MAP2K6: variants seen among roughly 807,000 people sequenced by gnomAD.
The protein encoded by MAP2K6 is mitogen-activated protein kinase kinase 6.
Under a neutral mutation model 53.7 loss-of-function variants are expected in MAP2K6, and 16 were observed. The ratio of observed to expected loss-of-function variants is 0.30; its 90% CI spans 0.20 to 0.45. The LOEUF is 0.45. MAP2K6 is among the 20% of genes least tolerant of loss of function. MAP2K6 has a pLI of 1.00. For synonymous variants in MAP2K6, 132 were observed against 143.1 expected (o/e 0.92, Z 0.55); for missense variants, 204 against 411.9 (o/e 0.50, Z 4.37).
rs1295919477 is a variant in MAP2K6, at chr17:69,542,624, T to C, written c.*871T>C. ...GTGTATGTGTGTGTTTGTGTGTCTATTTGGCAATTCACAAGTCCTGCCAAG... is the reference window on the plus strand; with the variant it reads ...GTGTATGTGTGTGTTTGTGTGTCTACTTGGCAATTCACAAGTCCTGCCAAG... On this transcript the variant is annotated 3_prime_UTR_variant, in exon 12 of 12. Transcript: ENST00000590474. The C allele has an allele frequency of 2.6e-5, 4 of 152,256 alleles. No homozygotes were observed. Among genetic ancestry groups the C allele is most frequent in the African/African-American group, 9.6e-5 (4 of 41,464 alleles). The allele number at this position is 152,256 out of a possible 1,614,324, so 9.4% of individuals were successfully genotyped here. A position where few individuals can be genotyped will look rare whatever the true frequency, so the allele number is the denominator to read the frequency against.
At chr17:69,453,640 A>AT (rs1463982305) in intron 1 of MAP2K6, among the ~76,000 whole-genome samples, 2 of 152,148 alleles carry the variant, frequency 1.3e-5, no homozygotes, top group African/African-American at 2.4e-5. Flanking sequence ...ATAATTTTCT[A>AT]TTCTTTTTTG....
At chr17:69,515,669 G>C (rs1031566643) in intron 2 of MAP2K6, among the ~76,000 whole-genome samples, 5 of 152,144 alleles carry the variant, frequency 3.3e-5, no homozygotes, top group Non-Finnish European at 5.9e-5. Flanking sequence ...GAAGACCCCA[G>C]AATTGTATAT....
At chr17:69,450,805 C>G (rs1254097704) in intron 1 of MAP2K6, among the ~76,000 whole-genome samples, 1 of 151,640 alleles carries the variant, frequency 6.6e-6, no homozygotes, top group Non-Finnish European at 1.5e-5. Flanking sequence ...TAGTTACAGT[C>G]TAGACAGTAG....
intron 7 of MAP2K6, 194 bp downstream of exon 7, chr17:69,521,294 G>T: frequency 2.2e-6 from 1 of 445,236 alleles, no homozygotes; most frequent in East Asian, 3.4e-5. Flanking sequence ...GACATAAGAA[G>T]AAGACGTGAT....
chr17:69,455,641 C>T (rs1006344262), intron 1 of MAP2K6, among the ~76,000 whole-genome samples: 1 of 152,072 alleles, frequency 6.6e-6, no homozygotes, highest in African/African-American at 2.4e-5. Flanking sequence ...CAAACTTTTT[C>T]TACAAACAGT....
chr17:69,452,357 A>G (rs1309696655), intron 1 of MAP2K6, among the ~76,000 whole-genome samples: 1 of 152,124 alleles, frequency 6.6e-6, no homozygotes, highest in Admixed American at 6.6e-5. Context: ...AAGGAAGTAT[A>G]AGATGCCTAC....
At chr17:69,455,038 T>G (rs7221647) in intron 1 of MAP2K6, among the ~76,000 whole-genome samples, 34 of 107,650 alleles carry the variant, frequency 3.2e-4, no homozygotes, top group Admixed American at 8.9e-4. Flanking sequence ...TATTATTATT[T>G]TTTTTTTTTT....
At chr17:69,439,457 C>G (rs1425501456) in intron 1 of MAP2K6, among the ~76,000 whole-genome samples, 1 of 152,150 alleles carries the variant, frequency 6.6e-6, no homozygotes, top group Non-Finnish European at 1.5e-5. Context: ...TAGCATTCTA[C>G]AGAGTTGTGA....
At chr17:69,505,960 G>T in intron 2 of MAP2K6, 114 bp downstream of exon 2, 1 of 821,376 alleles carries the variant, frequency 1.2e-6, no homozygotes, top group African/African-American at 1.7e-5. Flanking sequence ...CCCTTTAAGG[G>T]GGAAGCCATT....
At chr17:69,468,465 G>C (rs537306088) in intron 1 of MAP2K6, among the ~76,000 whole-genome samples, 5 of 152,334 alleles carry the variant, frequency 3.3e-5, no homozygotes, top group Admixed American at 2.6e-4. Context: ...TTAGTTTCTA[G>C]TACTGAAGGC....
At chr17:69,500,765 A>AAG (rs1909138487) in intron 1 of MAP2K6, among the ~76,000 whole-genome samples, 2 of 149,032 alleles carry the variant, frequency 1.3e-5, no homozygotes, top group South Asian at 4.2e-4. Flanking sequence ...CAAAAAAAAA[A>AAG]GAAAAAAAAA....
intron 1 of MAP2K6, among the ~76,000 whole-genome samples, chr17:69,416,320 T>C (rs1295943510): frequency 2.0e-5 from 3 of 152,064 alleles, no homozygotes; most frequent in Non-Finnish European, 4.4e-5. Flanking sequence ...TTTCTTTGAG[T>C]ATTAGGGGAG....
chr17:69,512,776 A>G (rs980161693), intron 2 of MAP2K6, among the ~76,000 whole-genome samples: 1 of 152,214 alleles, frequency 6.6e-6, no homozygotes, highest in Non-Finnish European at 1.5e-5. Context: ...GTAAAAATTA[A>G]GGAAGCTATT....
chr17:69,462,879 G>T (rs1907665830), intron 1 of MAP2K6, among the ~76,000 whole-genome samples: 1 of 151,992 alleles, frequency 6.6e-6, no homozygotes. Flanking sequence ...CGGAAAACGA[G>T]GTCAGGAGAT....
rs116019489 is a variant in MAP2K6, at chr17:69,484,714, A to G, written c.17-21066A>G. ...TGAATAAATAAAAGGTGGCACAGGT[A>G]TTCTATACAATGGAATATTTTCAGC... On this transcript the variant is annotated intron_variant, in intron 1 of 11. Coordinates refer to ENST00000590474, the MANE Select transcript of MAP2K6 (RefSeq NM_002758.4). Among the ~76,000 whole-genome samples the G allele has an allele frequency of 1.7e-3, 253 of 152,274 alleles. 1 individual carries two copies. The highest frequency in any genetic ancestry group is 5.9e-3 in the African/African-American group (247 of 41,588).
At position 69,547,027 on chromosome 17, in the gene MAP2K6, T is replaced by G. The variant is rs1212311327; in HGVS notation, c.*5274T>G. ...GGTCTATGTTCCTCTTGTGTTTGAG[T>G]GCCTCTAGCACTGTTAAATGTGCTG... On this transcript the variant is annotated 3_prime_UTR_variant, in exon 12 of 12. Coordinates refer to ENST00000590474, the MANE Select transcript of MAP2K6 (RefSeq NM_002758.4). 1 of 152,048 alleles carries G rather than the reference T, an allele frequency of 6.6e-6. No individual in the cohort carries two copies. The highest frequency in any genetic ancestry group is 1.5e-5 in the Non-Finnish European group (1 of 67,996). The allele number at this position is 152,048 out of a possible 1,614,324, so 9.4% of individuals were successfully genotyped here.
At chr17:69,416,327 G>A (rs1341828775) in intron 1 of MAP2K6, among the ~76,000 whole-genome samples, 1 of 152,086 alleles carries the variant, frequency 6.6e-6, no homozygotes, top group African/African-American at 2.4e-5. Context: ...GAGTATTAGG[G>A]GAGAATGGAA....
rs140138538 is a variant in MAP2K6 at position 69,428,931 on chromosome 17, A to AACACAC, written c.16+13954_16+13959dup. On this transcript the variant is annotated intron_variant, in intron 1 of 11. Coordinates refer to ENST00000590474, the MANE Select transcript of MAP2K6 (RefSeq NM_002758.4). The stretch of plus-strand genomic sequence containing the variant: ...TAAACTGGGGTGTGTTAAATTAGAG[A>AACACAC]ACACACACACACACACACACACACA... 6.5e-3 allele frequency among the ~76,000 whole-genome samples: 893 copies of AACACAC among 137,142 alleles called. 11 individuals are homozygous for AACACAC. Among genetic ancestry groups the AACACAC allele is most frequent in the African/African-American group, 0.013 (470 of 35,314 alleles). 90.0% of individuals were successfully genotyped at this position (137,142 alleles called of 152,430 possible). A position where few individuals can be genotyped will look rare whatever the true frequency, so the allele number is the denominator to read the frequency against.
chr17:69,481,259 A>G (rs1386809637), intron 1 of MAP2K6, among the ~76,000 whole-genome samples: 5 of 152,108 alleles, frequency 3.3e-5, no homozygotes, highest in Non-Finnish European at 7.4e-5. Context: ...TCATTTTATG[A>G]CTGGCTTATT....
Sources: allele counts gnomAD v4.1 joint callset (sites outside exome capture counted in the v4.1 genomes callset), GRCh38; gene constraint gnomAD v4.1.1; transcripts MANE v1.5; gene names NCBI Gene and HGNC (gene_info 2026-07-23, HGNC 2026-07-21).